The following CYFIP1 variants were observed in gnomAD, a reference collection of about 807,000 sequenced individuals.
CYFIP1 encodes cytoplasmic FMR1-interacting protein 1.
In CYFIP1, 58 loss-of-function variants were observed where a neutral mutation model predicts 163.5. The observed-to-expected ratio is 0.35, with a 90% confidence interval of 0.29 to 0.44. CYFIP1 has a LOEUF of 0.44. CYFIP1 is among the 20% of genes least tolerant of loss of function. The pLI is 1.00. For synonymous variants in CYFIP1, 663 were observed against 660.7 expected, an observed-to-expected ratio of 1.00 and a Z score of -0.05; for missense variants, 1,338 against 1,653.8, an observed-to-expected ratio of 0.81 and a Z score of 3.31.
chr15:22,925,992 G>A lies in CYFIP1; in HGVS notation c.1349C>T (p.Ala450Val). ...GCCGAGCATCCTCACCTCCACTAGG[G>A]CAAACTTCTCCTCGCTGGTGTAGTT... ...RYNYTSEEKF[A>V]LVEVIAMIKG... Residue 450 changes from alanine (A) to valine (V), a missense_variant, in exon 13 of 31, where the codon GCC becomes GTC. Coordinates refer to ENST00000617928, the MANE Select transcript of CYFIP1 (RefSeq NM_014608.6). 3 of 1,613,730 alleles carry A rather than the reference G, an allele frequency of 1.9e-6. No individual in the cohort carries two copies. Among genetic ancestry groups the A allele is most frequent in the Non-Finnish European group, 2.5e-6 (3 of 1,179,722 alleles).
At position 22,883,570 on chromosome 15, in the gene CYFIP1, C is replaced by G. The variant is rs1273414108; in HGVS notation, c.2677-559G>C. On this transcript the variant is annotated intron_variant, in intron 23 of 30. Transcript: ENST00000617928. ...CGGCGACTCACACCTGTAATCCCAG[C>G]CCTTTGGGAGGCCGAGGTGGGCAGA... is the stretch of plus-strand genomic sequence containing the variant. Among the ~76,000 whole-genome samples the G allele has an allele frequency of 2.6e-5, 4 of 152,154 alleles. No homozygotes were observed. The East Asian group carries it at 7.7e-4, about 29-fold the overall frequency.
chr15:22,931,919 T>C (rs1306187313), intron 11 of CYFIP1, among the ~76,000 whole-genome samples: 2 of 152,134 alleles, frequency 1.3e-5, no homozygotes, highest in Non-Finnish European at 2.9e-5. Flanking sequence ...GTGTTACAAC[T>C]ATCCAGAGTC....
intron 10 of CYFIP1, 49 bp downstream of exon 10, chr15:22,933,753 T>A (rs371750357): frequency 7.3e-7 from 1 of 1,368,862 alleles, no homozygotes; most frequent in Non-Finnish European, 1.0e-6. Context: ...AACCGCACAA[T>A]GAGGACACTG....
intron 1 of CYFIP1, chr15:22,951,245 GC>G: frequency 1.1e-6 from 1 of 927,868 alleles, no homozygotes; most frequent in Non-Finnish European, 1.3e-6. Flanking sequence ...GTAAGGGAAC[GC>G]CCCCGACCGC....
chr15:22,878,374 G>A (rs1191740881), intron 26 of CYFIP1, among the ~76,000 whole-genome samples: 1 of 152,150 alleles, frequency 6.6e-6, no homozygotes, highest in East Asian at 1.9e-4. Flanking sequence ...AGAAAGCCAG[G>A]AGACAGGCCG....
intron 22 of CYFIP1, among the ~76,000 whole-genome samples, chr15:22,900,208 C>T (rs188850052): frequency 1.2e-4 from 19 of 152,092 alleles, no homozygotes; most frequent in Non-Finnish European, 2.5e-4. Flanking sequence ...GAGACAGAGA[C>T]ACACAGGGAC....
chr15:22,957,940 C>A (rs542928418), intron 1 of CYFIP1, among the ~76,000 whole-genome samples: 1 of 152,132 alleles, frequency 6.6e-6, no homozygotes, highest in Non-Finnish European at 1.5e-5. Flanking sequence ...AGCAGGGGAC[C>A]GCGCCAGCAT....
At chr15:22,883,224 C>A (rs886569264) in intron 23 of CYFIP1, among the ~76,000 whole-genome samples, 66 of 152,138 alleles carry the variant, frequency 4.3e-4, no homozygotes, top group Non-Finnish European at 1.8e-4. Context: ...GAAAAGAAAA[C>A]CATTTGGTGT....
intron 18 of CYFIP1, among the ~76,000 whole-genome samples, chr15:22,911,503 T>C (rs945315931): frequency 3.3e-5 from 5 of 152,082 alleles, no homozygotes; most frequent in African/African-American, 4.8e-5. Context: ...GGGTGTGAGA[T>C]TGGTCAGGAG....
intron 13 of CYFIP1, among the ~76,000 whole-genome samples, chr15:22,920,159 C>CTTTTTT (rs71117470): frequency 1.5e-4 from 11 of 75,540 alleles, no homozygotes; most frequent in Admixed American, 3.9e-4. Context: ...ATTAAGGCAG[C>CTTTTTT]TTTTTTTTTT....
chr15:22,933,652 G>T, intron 10 of CYFIP1, 150 bp downstream of exon 10: 1 of 606,944 alleles, frequency 1.6e-6, no homozygotes, highest in Non-Finnish European at 2.9e-6. Flanking sequence ...GTAAATAGCC[G>T]CATGTGGCAA....
intron 17 of CYFIP1, among the ~76,000 whole-genome samples, chr15:22,914,310 A>G (rs7167687): frequency 0.26 from 39,171 of 151,984 alleles, 5,735 homozygotes; most frequent in African/African-American, 0.38. Flanking sequence ...CACCCATGCA[A>G]AGTAGGAACG....
At chr15:22,903,610 C>T (rs2060469915) in intron 22 of CYFIP1, 96 bp downstream of exon 22, 1 of 1,278,722 alleles carries the variant, frequency 7.8e-7, no homozygotes, top group East Asian at 2.3e-5. Context: ...GCAGCAAGAG[C>T]AGGGAGACAG....
At chr15:22,951,478 C>T (rs998633530) in intron 1 of CYFIP1, 121 of 1,288,990 alleles carry the variant, frequency 9.4e-5, no homozygotes, top group Non-Finnish European at 1.2e-4. Flanking sequence ...GGTGATGCCG[C>T]TCGGAGGGGC....
intron 17 of CYFIP1, among the ~76,000 whole-genome samples, chr15:22,912,792 C>T (rs192152198): frequency 6.1e-4 from 93 of 151,980 alleles, no homozygotes; most frequent in Non-Finnish European, 1.2e-3. Flanking sequence ...CGTGGTGGCG[C>T]ACGCCTGAGT....
intron 1 of CYFIP1, among the ~76,000 whole-genome samples, chr15:22,975,428 C>T (rs1426590789): frequency 4.4e-5 from 5 of 112,702 alleles, no homozygotes; most frequent in Admixed American, 1.4e-4. Context: ...CGAGACAGAG[C>T]GAGACTCCGT....
intron 1 of CYFIP1, among the ~76,000 whole-genome samples, chr15:22,973,807 A>G (rs2063179489): frequency 6.6e-6 from 1 of 152,312 alleles, no homozygotes; most frequent in South Asian, 2.1e-4. Flanking sequence ...AAACCATATA[A>G]CTAATAAGGG....
intron 11 of CYFIP1, among the ~76,000 whole-genome samples, chr15:22,929,224 CAAA>C (rs201923127): frequency 4.8e-5 from 5 of 103,628 alleles, no homozygotes; most frequent in Admixed American, 9.9e-5. Context: ...AACTCCATCT[CAAA>C]AAAAAAAAAA....
Position 22,867,608 on chromosome 15 carries a change from G to A in CYFIP1, c.*2420C>T, listed in dbSNP as rs2059199271. On this transcript the variant is annotated 3_prime_UTR_variant, in exon 31 of 31. Transcript: ENST00000617928. The stretch of plus-strand genomic sequence containing the variant: ...TTTACATCAGCTCTTGTACTTTTCA[G>A]TATATTTTCATAATGAGTTATATTG... 2 of 164,796 alleles carry A rather than the reference G, an allele frequency of 1.2e-5. No individual in the cohort carries two copies. Among genetic ancestry groups the A allele is most frequent in the Admixed American group, 1.3e-4 (2 of 15,650 alleles). The allele number at this position is 164,796 out of a possible 1,614,324, so 10.2% of individuals were successfully genotyped here.
Sources: gnomAD v4.1 joint callset for allele counts (sites outside exome capture counted in the v4.1 genomes callset) on GRCh38, gnomAD v4.1.1 for gene constraint, MANE v1.5 for transcripts, NCBI Gene and HGNC (gene_info 2026-07-23, HGNC 2026-07-21) for gene names.